The following KMT2C variants were observed in gnomAD, a reference collection of about 807,000 sequenced individuals.
KMT2C encodes histone-lysine N-methyltransferase 2C.
A neutral mutation model predicts 507.9 loss-of-function variants in KMT2C; 88 were observed. The ratio of observed to expected loss-of-function variants is 0.17; its 90% CI spans 0.15 to 0.21. The LOEUF is 0.21. KMT2C is among the 10% of genes least tolerant of loss of function. KMT2C has a pLI of 1.00. For missense variants in KMT2C, 4,954 were observed against 5,957.8 expected (o/e 0.83, Z 5.55); for synonymous variants, 2,049 against 2,080.8 (o/e 0.98, Z 0.42).
At chr7:152,333,701 A>G (rs568285053) in intron 2 of KMT2C, among the ~76,000 whole-genome samples, 96 of 152,370 alleles carry the variant, frequency 6.3e-4, no homozygotes, top group African/African-American at 2.3e-3. Flanking sequence ...TATTTTGAAA[A>G]ACAATTTGTA....
At chr7:152,186,077 A>G (rs1397330527) in intron 33 of KMT2C, among the ~76,000 whole-genome samples, 1 of 152,246 alleles carries the variant, frequency 6.6e-6, no homozygotes, top group African/African-American at 2.4e-5. Flanking sequence ...AAAAGTAATG[A>G]GTTCAAACCA....
At chr7:152,428,623 C>T (rs1313832219) in intron 1 of KMT2C, among the ~76,000 whole-genome samples, 2 of 151,540 alleles carry the variant, frequency 1.3e-5, no homozygotes, top group African/African-American at 2.4e-5. Flanking sequence ...AAGAGTAAAA[C>T]TCCATCTCAA....
chr7:152,432,104 C>T lies in KMT2C; in HGVS notation c.161+3522G>A, dbSNP rs142192027. ...GTGGCTCTCTAATAATAGCAATTGC[C>T]CTCTGAAAAGAAAGTGGTTCAGGGT... On this transcript the variant is annotated intron_variant, in intron 1 of 58. Coordinates refer to ENST00000262189, the MANE Select transcript of KMT2C (RefSeq NM_170606.3). Among the ~76,000 whole-genome samples, 1,009 of 152,118 alleles carry T rather than the reference C, an allele frequency of 6.6e-3. 10 individuals are homozygous for T. The highest frequency in any genetic ancestry group is 0.023 in the African/African-American group (952 of 41,502).
intron 4 of KMT2C, chr7:152,312,340 T>C (rs982229506): frequency 6.5e-6 from 1 of 154,564 alleles, no homozygotes; most frequent in Non-Finnish European, 1.4e-5. Flanking sequence ...ATCAGAAATG[T>C]TTAGTCTGCT....
At chr7:152,421,892 A>T (rs1026232007) in intron 1 of KMT2C, among the ~76,000 whole-genome samples, 1 of 152,140 alleles carries the variant, frequency 6.6e-6, no homozygotes, top group African/African-American at 2.4e-5. Flanking sequence ...CCTAAAATAA[A>T]AGCTGGAAGG....
intron 2 of KMT2C, among the ~76,000 whole-genome samples, chr7:152,352,397 T>C (rs1196392529): frequency 6.6e-6 from 1 of 152,182 alleles, no homozygotes; most frequent in Non-Finnish European, 1.5e-5. Context: ...TTCATTTGCC[T>C]TGTGATATTC....
chr7:152,227,135 A>G (rs1057349096), intron 18 of KMT2C, among the ~76,000 whole-genome samples: 9 of 152,176 alleles, frequency 5.9e-5, no homozygotes, highest in Non-Finnish European at 1.2e-4. Context: ...CAGGCTTGTC[A>G]AGACCTTCTT....
At chr7:152,195,670 G>A in intron 28 of KMT2C, 1 of 416,934 alleles carries the variant, frequency 2.4e-6, no homozygotes, top group Non-Finnish European at 3.2e-6. Context: ...AGACTTTAAG[G>A]CAACATGCCT....
chr7:152,233,300 G>A (rs557218778), intron 16 of KMT2C, among the ~76,000 whole-genome samples: 4 of 152,038 alleles, frequency 2.6e-5, no homozygotes, highest in Non-Finnish European at 2.9e-5. Flanking sequence ...GAGAAAATAC[G>A]TGCTATTGTT....
Position 152,299,521 on chromosome 7 carries a change from G to A in KMT2C, c.849+10445C>T, listed in dbSNP as rs569756534. Among the ~76,000 whole-genome samples the A allele has an allele frequency of 4.6e-5, 7 of 151,836 alleles. No homozygotes were observed. The South Asian group carries it at 1.5e-3, about 32-fold the overall frequency. ...TAAAACAAAGTAGCCAGGTGTGGTG[G>A]TGCACAACTGTGGTCTCCACTATTG... On this transcript the variant is annotated intron_variant, in intron 6 of 58. Coordinates refer to ENST00000262189, the MANE Select transcript of KMT2C (RefSeq NM_170606.3).
intron 1 of KMT2C, among the ~76,000 whole-genome samples, chr7:152,430,425 G>C (rs2097854690): frequency 6.6e-6 from 1 of 151,292 alleles, no homozygotes; most frequent in African/African-American, 2.4e-5. Context: ...TTTATTCCAT[G>C]GCAGCTAAAA....
rs748385725 is a variant in KMT2C at position 152,224,032 on chromosome 7, T to C, written c.3306A>G (p.Gln1102=). The C allele has an allele frequency of 2.9e-5, 46 of 1,610,100 alleles. No homozygotes were observed. The East Asian group carries it at 5.1e-4, about 18-fold the overall frequency. Residue 1102 remains glutamine, a synonymous_variant, in exon 20 of 59, where the codon CAA becomes CAG. Coordinates refer to ENST00000262189, the MANE Select transcript of KMT2C (RefSeq NM_170606.3). The part of the protein sequence containing the change: ...RNYREEDLIL[Q]CRQCDRWMHA... ...CACAATACCTATCACATTGTCTACA[T>C]TGCAGAATAAGATCTTCTTCTCTAT...
chr7:152,290,244 GTGTGTGTGTA>G (rs2096390459), intron 6 of KMT2C, among the ~76,000 whole-genome samples: 1 of 96,310 alleles, frequency 1.0e-5, no homozygotes, highest in Non-Finnish European at 1.9e-5. Flanking sequence ...GTGTGTGTGT[GTGTGTGTGTA>G]TGTGTATATA....
chr7:152,320,493 C>T (rs1476875561), intron 3 of KMT2C, among the ~76,000 whole-genome samples: 1 of 152,052 alleles, frequency 6.6e-6, no homozygotes, highest in Admixed American at 6.5e-5. Flanking sequence ...AGGTGATCCA[C>T]CTGCCTTGGC....
At chr7:152,196,115 G>A (rs1171634824) in intron 27 of KMT2C, 104 bp from the exon 28 acceptor site, 6 of 493,094 alleles carry the variant, frequency 1.2e-5, no homozygotes, top group East Asian at 6.9e-5. Flanking sequence ...GGCAAGTACT[G>A]GAATAAAAAC....
intron 30 of KMT2C, 42 bp from the exon 31 acceptor site, chr7:152,194,170 G>A (rs367680523): frequency 3.9e-4 from 607 of 1,566,860 alleles, no homozygotes; most frequent in Non-Finnish European, 4.9e-4. Flanking sequence ...TAAAAGACTA[G>A]TAGGGTCCTG....
Position 152,181,385 on chromosome 7 carries a change from A to G in KMT2C, c.6475T>C (p.Tyr2159His), listed in dbSNP as rs375524354. Residue 2159 changes from tyrosine (Y) to histidine (H), a missense_variant, in exon 36 of 59, where the codon TAC becomes CAC. Physicochemically the swap from Tyr to His is moderately conservative, Grantham distance 83. Around this residue, in one of 29 missense-constraint regions of KMT2C, gnomAD observed 1,689 missense variants for 1,654.3 expected, o/e 1.02. Transcript: ENST00000262189. The stretch of plus-strand genomic sequence containing the variant: ...CGGGGAGTTCCAGGAGGTTGAGAGT[A>G]AGGGTCTGTATTGGACCTAGCTGTT... ...SGTARSNTDP[Y>H]SQPPGTPRPT... is the part of the protein sequence containing the mutation. 8.5e-5 allele frequency: 137 copies of G among 1,613,882 alleles called. No individual in the cohort carries two copies. The highest frequency in any genetic ancestry group is 1.1e-4 in the Non-Finnish European group (126 of 1,180,014).
intron 1 of KMT2C, chr7:152,367,773 C>G: frequency 9.9e-7 from 1 of 1,005,248 alleles, no homozygotes; most frequent in East Asian, 2.4e-5. Context: ...TGAGGACTAC[C>G]TAAATGCAGA....
chr7:152,215,676 A>AATATATAT lies in KMT2C; in HGVS notation c.3712+4839_3712+4846dup, dbSNP rs1200314833. On this transcript the variant is annotated intron_variant, in intron 23 of 58. Coordinates refer to ENST00000262189, the MANE Select transcript of KMT2C (RefSeq NM_170606.3). ...AATAGTAGTAAGACAAAAGGAACAA[A>AATATATAT]ATATATATATATACACACACACATA... is the stretch of plus-strand genomic sequence containing the variant. 3.3e-4 allele frequency among the ~76,000 whole-genome samples: 44 copies of AATATATAT among 134,510 alleles called. 3 individuals carry two copies. Among genetic ancestry groups the AATATATAT allele is most frequent in the African/African-American group, 1.5e-3 (43 of 28,960 alleles). 88.2% of individuals were successfully genotyped at this position (134,510 alleles called of 152,430 possible). A position where few individuals can be genotyped will look rare whatever the true frequency, so the allele number is the denominator to read the frequency against.
Sources: gnomAD v4.1 joint callset for allele counts (sites outside exome capture counted in the v4.1 genomes callset) on GRCh38, gnomAD v4.1.1 for gene constraint, gnomAD v4.1.1 regional missense constraint, MANE v1.5 for transcripts, NCBI Gene and HGNC (gene_info 2026-07-23, HGNC 2026-07-21) for gene names.